ROBO1: variants seen among roughly 807,000 people sequenced by gnomAD.
ROBO1 encodes the protein roundabout homolog 1.
In ROBO1, 149 loss-of-function variants were observed where a neutral mutation model predicts 195.9. The ratio of observed to expected loss-of-function variants is 0.76; its 90% CI spans 0.67 to 0.87. The LOEUF (loss-of-function observed/expected upper bound fraction) is 0.87, where lower values mean the gene tolerates loss of function less well. ROBO1 is among the 40% of genes least tolerant of loss of function. The pLI is 0.00. For synonymous variants in ROBO1, 816 were observed against 733.2 expected (o/e 1.11, Z -1.82); for missense variants, 1,933 against 2,068.3 (o/e 0.93, Z 1.27).
chr3:79,315,371 A>C (rs2033686840), intron 2 of ROBO1, among the ~76,000 whole-genome samples: 1 of 152,240 alleles, frequency 6.6e-6, no homozygotes, highest in South Asian at 2.1e-4. Context: ...TGAAAGCAGG[A>C]GACCACTTAC....
intron 4 of ROBO1, among the ~76,000 whole-genome samples, chr3:78,750,379 G>A (rs1391274376): frequency 6.6e-6 from 1 of 151,590 alleles, no homozygotes; most frequent in Non-Finnish European, 1.5e-5. Context: ...TGTGAACCCA[G>A]GAGGTGGAGC....
intron 2 of ROBO1, among the ~76,000 whole-genome samples, chr3:79,497,383 G>A (rs942413943): frequency 1.3e-5 from 2 of 152,042 alleles, no homozygotes; most frequent in African/African-American, 4.8e-5. Context: ...AAACACATAT[G>A]AAATTATTTG....
At chr3:79,640,348 T>C (rs1263758213) in intron 1 of ROBO1, among the ~76,000 whole-genome samples, 2 of 152,086 alleles carry the variant, frequency 1.3e-5, no homozygotes, top group Non-Finnish European at 2.9e-5. Flanking sequence ...CCTGCCACCA[T>C]GTAAAACATG....
chr3:79,513,882 A>G (rs752715462), intron 2 of ROBO1, among the ~76,000 whole-genome samples: 4 of 152,236 alleles, frequency 2.6e-5, no homozygotes, highest in Admixed American at 6.5e-5. Flanking sequence ...TATCCCCAAG[A>G]AATGAACATT....
At chr3:79,716,328 A>G (rs1365425638) in intron 1 of ROBO1, among the ~76,000 whole-genome samples, 2 of 151,920 alleles carry the variant, frequency 1.3e-5, no homozygotes, top group Admixed American at 6.6e-5. Context: ...GAAATAATAG[A>G]TGCATTATGA....
At chr3:79,017,924 C>G (rs186606057) in intron 3 of ROBO1, among the ~76,000 whole-genome samples, 2 of 152,148 alleles carry the variant, frequency 1.3e-5, no homozygotes, top group African/African-American at 2.4e-5. Flanking sequence ...CTACTAATAA[C>G]CCCTTGTGCT....
At chr3:78,844,159 T>G (rs2033486353) in intron 4 of ROBO1, among the ~76,000 whole-genome samples, 1 of 152,168 alleles carries the variant, frequency 6.6e-6, no homozygotes, top group Non-Finnish European at 1.5e-5. Flanking sequence ...TAAAATTTGC[T>G]TTGTACCCTA....
chr3:79,182,739 T>A (rs1441305702), intron 2 of ROBO1, among the ~76,000 whole-genome samples: 1 of 152,138 alleles, frequency 6.6e-6, no homozygotes, highest in African/African-American at 2.4e-5. Context: ...AAGTTTCAAG[T>A]GACTATTTTC....
intron 2 of ROBO1, among the ~76,000 whole-genome samples, chr3:79,503,139 G>C (rs79720598): frequency 6.6e-6 from 1 of 152,150 alleles, no homozygotes; most frequent in South Asian, 2.1e-4. Context: ...GCCATTATGA[G>C]CTGTAACACT....
At chr3:79,546,073 T>G (rs567669954) in intron 2 of ROBO1, among the ~76,000 whole-genome samples, 31 of 152,204 alleles carry the variant, frequency 2.0e-4, no homozygotes, top group African/African-American at 6.3e-4. Context: ...CCACTTCCAC[T>G]TAATGTATAG....
At chr3:79,183,045 C>T (rs2081373227) in intron 2 of ROBO1, among the ~76,000 whole-genome samples, 1 of 142,584 alleles carries the variant, frequency 7.0e-6, no homozygotes, top group Admixed American at 7.2e-5. Context: ...CGCGCCGCTG[C>T]ACTCTAGCCT....
chr3:79,544,283 T>A (rs933445969), intron 2 of ROBO1, among the ~76,000 whole-genome samples: 3 of 151,964 alleles, frequency 2.0e-5, no homozygotes, highest in African/African-American at 7.2e-5. Flanking sequence ...ATATTTTATA[T>A]CTCACATTAT....
At chr3:79,390,864 G>T (rs1159387245) in intron 2 of ROBO1, among the ~76,000 whole-genome samples, 1 of 152,106 alleles carries the variant, frequency 6.6e-6, no homozygotes, top group African/African-American at 2.4e-5. Context: ...AACAGGGAAT[G>T]AATGAGAGCA....
At chr3:78,635,097 A>G (rs1249722953) in intron 23 of ROBO1, among the ~76,000 whole-genome samples, 2 of 152,168 alleles carry the variant, frequency 1.3e-5, no homozygotes, top group Non-Finnish European at 2.9e-5. Context: ...CAAAGAAACC[A>G]AACACCTATC....
intron 1 of ROBO1, among the ~76,000 whole-genome samples, chr3:79,671,411 C>A (rs1201529472): frequency 6.6e-6 from 1 of 151,794 alleles, no homozygotes; most frequent in Non-Finnish European, 1.5e-5. Context: ...ACCAGGGAGT[C>A]TCTTTTTCTA....
At chr3:79,396,574 A>G (rs546597053) in intron 2 of ROBO1, among the ~76,000 whole-genome samples, 1 of 152,266 alleles carries the variant, frequency 6.6e-6, no homozygotes, top group African/African-American at 2.4e-5. Flanking sequence ...ATACTCTATT[A>G]GGAAAAGAAG....
chr3:79,741,125 T>A (rs1444158270), intron 1 of ROBO1, among the ~76,000 whole-genome samples: 1 of 152,190 alleles, frequency 6.6e-6, no homozygotes, highest in Non-Finnish European at 1.5e-5. Flanking sequence ...GGGCTTGCTC[T>A]GTTACCGTTC....
At chr3:78,755,793 C>A (rs981200256) in intron 4 of ROBO1, among the ~76,000 whole-genome samples, 2 of 152,014 alleles carry the variant, frequency 1.3e-5, no homozygotes, top group Non-Finnish European at 2.9e-5. Context: ...CAAAAGATAT[C>A]CTTATTTTTT....
chr3:79,128,881 C>T (rs954477778), intron 2 of ROBO1, among the ~76,000 whole-genome samples: 2 of 152,172 alleles, frequency 1.3e-5, no homozygotes, highest in African/African-American at 2.4e-5. Flanking sequence ...ATGTATAGAA[C>T]TAATGCCTCA....
Sources: gnomAD v4.1 joint callset for allele counts (sites outside exome capture counted in the v4.1 genomes callset) on GRCh38, gnomAD v4.1.1 for gene constraint, MANE v1.5 for transcripts, NCBI Gene and HGNC (gene_info 2026-07-23, HGNC 2026-07-21) for gene names.